The following MTUS2 variants were observed in gnomAD, a reference collection of about 807,000 sequenced individuals.
The protein encoded by MTUS2 is microtubule associated scaffold protein 2.
A neutral mutation model predicts 114.1 loss-of-function variants in MTUS2; 40 were observed. The ratio of observed to expected loss-of-function variants is 0.35; its 90% CI spans 0.27 to 0.46. The LOEUF (loss-of-function observed/expected upper bound fraction) is 0.46. MTUS2 is among the 20% of genes least tolerant of loss of function. The pLI is 1.00. For synonymous variants in MTUS2, 688 were observed against 672.0 expected, an observed-to-expected ratio of 1.02 and a Z score of -0.37; for missense variants, 1,679 against 1,705.4, an observed-to-expected ratio of 0.98 and a Z score of 0.27.
intron 6 of MTUS2, among the ~76,000 whole-genome samples, chr13:29,320,182 A>G (rs1488068443): frequency 6.6e-6 from 1 of 152,208 alleles, no homozygotes; most frequent in Non-Finnish European, 1.5e-5. Flanking sequence ...AATTAGAAAG[A>G]CATGATGCAG....
intron 8 of MTUS2, among the ~76,000 whole-genome samples, chr13:29,376,799 C>T (rs143834571): frequency 6.8e-4 from 103 of 152,060 alleles, no homozygotes; most frequent in African/African-American, 2.2e-3. Context: ...CTAAACAAGC[C>T]AATTAAAAGA....
chr13:29,213,625 C>T (rs755943686), intron 5 of MTUS2, among the ~76,000 whole-genome samples: 1 of 152,110 alleles, frequency 6.6e-6, no homozygotes, highest in Non-Finnish European at 1.5e-5. Flanking sequence ...TTGAAATCTA[C>T]TTTTTTCATT....
chr13:29,154,957 A>G (rs1566036223), intron 5 of MTUS2, among the ~76,000 whole-genome samples: 1 of 152,204 alleles, frequency 6.6e-6, no homozygotes, highest in South Asian at 2.1e-4. Context: ...TTAACAGGGT[A>G]GTGGAAAAGA....
intron 5 of MTUS2, among the ~76,000 whole-genome samples, chr13:29,114,020 T>C (rs1253179180): frequency 1.3e-5 from 2 of 152,196 alleles, no homozygotes; most frequent in African/African-American, 4.8e-5. Context: ...GTCTCTCTTA[T>C]GCTCTTGTTC....
rs544265371 is a variant in MTUS2, at chr13:29,245,113, T to C, written c.2645-36591T>C. Among the ~76,000 whole-genome samples the C allele has an allele frequency of 5.9e-5, 9 of 152,196 alleles. No individual in the cohort carries two copies. In the South Asian group the frequency reaches 1.9e-3, roughly 32 times the overall value. On this transcript the variant is annotated intron_variant, in intron 5 of 15. Transcript: ENST00000612955. ...TGTTAAAAGATGAGCCTGATGCCCA[T>C]GTTTCTGATGAATAAGAGAGGACAA...
intron 8 of MTUS2, among the ~76,000 whole-genome samples, chr13:29,384,809 C>G (rs1364878136): frequency 6.6e-6 from 1 of 152,204 alleles, no homozygotes; most frequent in Non-Finnish European, 1.5e-5. Flanking sequence ...CCAACAGTGC[C>G]CCTAGCCTGT....
intron 1 of MTUS2, among the ~76,000 whole-genome samples, chr13:28,832,195 C>T (rs7332152): frequency 0.056 from 8,523 of 152,250 alleles, 356 homozygotes; most frequent in African/African-American, 0.12. Flanking sequence ...GAACACTTCA[C>T]CCAGTGGTAG....
At chr13:28,926,089 A>G (rs573023055) in intron 2 of MTUS2, among the ~76,000 whole-genome samples, 109 of 152,306 alleles carry the variant, frequency 7.2e-4, no homozygotes, top group African/African-American at 2.5e-3. Context: ...TTTAATCCCA[A>G]GGATGGGAAT....
intron 5 of MTUS2, among the ~76,000 whole-genome samples, chr13:29,225,741 C>T (rs1267249812): frequency 6.6e-6 from 1 of 152,032 alleles, no homozygotes; most frequent in Non-Finnish European, 1.5e-5. Flanking sequence ...CATAAATTAT[C>T]GCTGTGCTCA....
rs191643045 is a variant in MTUS2 at position 28,899,874 on chromosome 13, T to A, written c.-243+60024T>A. ...TGTTCTTTGCTCAATTAAACTTTTT[T>A]AAATTTTATTTTATTTTACTTTTTT... On this transcript the variant is annotated intron_variant, in intron 2 of 15. Transcript: ENST00000612955. Among the ~76,000 whole-genome samples the A allele has an allele frequency of 1.4e-3, 214 of 152,186 alleles. 1 individual carries two copies. The highest frequency in any genetic ancestry group is 4.4e-3 in the African/African-American group (183 of 41,534).
intron 2 of MTUS2, among the ~76,000 whole-genome samples, chr13:29,010,480 C>T (rs1011760086): frequency 6.6e-6 from 1 of 152,216 alleles, no homozygotes; most frequent in African/African-American, 2.4e-5. Context: ...CAAGGGTCTC[C>T]CTTTCCTTGC....
intron 8 of MTUS2, among the ~76,000 whole-genome samples, chr13:29,387,667 C>T (rs530497531): frequency 4.6e-5 from 7 of 152,208 alleles, no homozygotes; most frequent in Admixed American, 2.0e-4. Context: ...AGGAGCGAGG[C>T]GGGTGACGTT....
intron 2 of MTUS2, among the ~76,000 whole-genome samples, chr13:28,998,300 T>C (rs1885213935): frequency 6.6e-6 from 1 of 152,198 alleles, no homozygotes; most frequent in Non-Finnish European, 1.5e-5. Flanking sequence ...GTAACCCGTC[T>C]TTTCTCTCTG....
chr13:28,897,377 G>C (rs1301177178), intron 2 of MTUS2, among the ~76,000 whole-genome samples: 1 of 152,144 alleles, frequency 6.6e-6, no homozygotes, highest in Non-Finnish European at 1.5e-5. Flanking sequence ...TAGAATGGCA[G>C]TCATTAAAAA....
chr13:28,853,824 A>G (rs962541500), intron 2 of MTUS2, among the ~76,000 whole-genome samples: 1 of 152,250 alleles, frequency 6.6e-6, no homozygotes, highest in Non-Finnish European at 1.5e-5. Flanking sequence ...TAATACTACT[A>G]TATAAGAAGT....
At chr13:28,928,030 G>A (rs1380776313) in intron 2 of MTUS2, among the ~76,000 whole-genome samples, 1 of 152,044 alleles carries the variant, frequency 6.6e-6, no homozygotes, top group Admixed American at 6.6e-5. Context: ...ATGGTGCTGG[G>A]AAAACTAGAT....
At chr13:28,841,741 C>T (rs1875508699) in intron 2 of MTUS2, among the ~76,000 whole-genome samples, 1 of 151,394 alleles carries the variant, frequency 6.6e-6, no homozygotes, top group Non-Finnish European at 1.5e-5. Flanking sequence ...GGTTGGAGTG[C>T]AGCGGCGTGA....
chr13:29,325,528 G>A (rs1336879614), intron 7 of MTUS2, among the ~76,000 whole-genome samples: 3 of 130,174 alleles, frequency 2.3e-5, no homozygotes, highest in Admixed American at 7.8e-5. Context: ...GGAGGAGGGA[G>A]GAAGGAGAAG....
chr13:29,015,511 A>G (rs926531130), intron 2 of MTUS2, among the ~76,000 whole-genome samples: 2 of 152,220 alleles, frequency 1.3e-5, no homozygotes, highest in Admixed American at 1.3e-4. Flanking sequence ...AAATGAAACA[A>G]AAACCCATGC....
Sources: allele counts gnomAD v4.1 joint callset (sites outside exome capture counted in the v4.1 genomes callset), GRCh38; gene constraint gnomAD v4.1.1; transcripts MANE v1.5; gene names NCBI Gene and HGNC (gene_info 2026-07-23, HGNC 2026-07-21).